Variants in PTPRF observed in about 807,000 individuals in gnomAD.
The protein encoded by PTPRF is receptor-type tyrosine-protein phosphatase F.
PTPRF carries 59 observed loss-of-function variants against 201.8 expected under a neutral mutation model. That is an observed-to-expected ratio of 0.29 (90% CI 0.24 to 0.36). The LOEUF is 0.36. Ranked by LOEUF, PTPRF falls within the 10% of genes least tolerant of loss-of-function variation. PTPRF has a pLI of 1.00. For missense variants in PTPRF, 2,132 were observed against 2,690.5 expected (o/e 0.79, Z 4.59); for synonymous variants, 1,088 against 1,089.7 (o/e 1.00, Z 0.03).
chr1:43,617,650 C>G, intron 24 of PTPRF, 82 bp downstream of exon 24: 1 of 1,603,624 alleles, frequency 6.2e-7, no homozygotes, highest in South Asian at 1.1e-5. Flanking sequence ...AGAGGATGTC[C>G]ACGAGTCTCA....
chr1:43,619,246 G>C (rs1412074271), intron 27 of PTPRF, 42 bp from the exon 28 acceptor site: 1 of 1,607,854 alleles, frequency 6.2e-7, no homozygotes, highest in African/African-American at 1.3e-5. Context: ...TGGGGTGGGA[G>C]GTGGGGGCGC....
chr1:43,619,792 G>A lies in PTPRF; in HGVS notation c.5045G>A (p.Cys1682Tyr). 1 of 1,614,256 alleles carries A rather than the reference G, an allele frequency of 6.2e-7. No individual in the cohort carries two copies. The change falls in exon 29 of 34, where the codon TGT becomes TAT. Residue 1682 changes from cysteine to tyrosine, a missense_variant. Cys to Tyr is a radical substitution (Grantham distance 194). Transcript: ENST00000359947. ...ATGCCCTACGAATTGACCCGTGTGT[G>A]TCTGCAGCCCATCCGTGGTGTGGAG... is the stretch of plus-strand genomic sequence containing the variant. ...NIMPYELTRV[C>Y]LQPIRGVEGS...
intron 22 of PTPRF, chr1:43,613,095 C>G (rs1439865831): frequency 5.7e-6 from 2 of 350,484 alleles, no homozygotes; most frequent in Admixed American, 8.0e-5. Flanking sequence ...CCTCTCATCT[C>G]CTCTCCTCTG....
At position 43,622,741 on chromosome 1, in the gene PTPRF, C is replaced by G. The variant is rs1469788881; in HGVS notation, c.*738C>G. The G allele has an allele frequency of 6.6e-6, 1 of 152,556 alleles. No homozygotes were observed. Among genetic ancestry groups the G allele is most frequent in the African/African-American group, 2.4e-5 (1 of 41,410 alleles). 9.5% of individuals were successfully genotyped at this position (152,556 alleles called of 1,614,324 possible). A position where few individuals can be genotyped will look rare whatever the true frequency, so the allele number is the denominator to read the frequency against. Reference sequence around the variant, plus strand: ...AAGATAGGGAACACTCATCCCTGGTCGTCTATCCCAGTGTGTGTTTAACAT... The same window carrying G: ...AAGATAGGGAACACTCATCCCTGGTGGTCTATCCCAGTGTGTGTTTAACAT... On this transcript the variant is annotated 3_prime_UTR_variant, in exon 34 of 34. Transcript: ENST00000359947.
chr1:43,575,663 C>T (rs1267638020), intron 6 of PTPRF, among the ~76,000 whole-genome samples: 4 of 152,040 alleles, frequency 2.6e-5, no homozygotes, highest in Non-Finnish European at 5.9e-5. Context: ...CCCCCAGCCC[C>T]ACTGAGCCCC....
chr1:43,604,346 G>A (rs1319298285), intron 16 of PTPRF, among the ~76,000 whole-genome samples, 157 bp downstream of exon 16: 1 of 152,092 alleles, frequency 6.6e-6, no homozygotes, highest in Non-Finnish European at 1.5e-5. Flanking sequence ...CTAGTGAATG[G>A]GCACCACATT....
intron 5 of PTPRF, among the ~76,000 whole-genome samples, chr1:43,569,128 C>G (rs1646387727): frequency 6.6e-6 from 1 of 152,194 alleles, no homozygotes. Context: ...GAAGGGAACA[C>G]TGTGTGTGCG....
At chr1:43,551,300 G>T (rs950954972) in intron 3 of PTPRF, among the ~76,000 whole-genome samples, 1 of 151,966 alleles carries the variant, frequency 6.6e-6, no homozygotes, top group Non-Finnish European at 1.5e-5. Context: ...GTGGGGGACA[G>T]GAGACACCCC....
rs1258929482 is a variant in PTPRF, at chr1:43,597,113, TGA to T, written c.1814-630_1814-629del. ...TGTGTATTTACTGTGAGAGACTGTG[TGA>T]GAGACACGTGTGAGACACTGTGTAT... On this transcript the variant is annotated intron_variant, in intron 11 of 33. Coordinates refer to ENST00000359947, the MANE Select transcript of PTPRF (RefSeq NM_002840.5). Among the ~76,000 whole-genome samples, 7 of 151,872 alleles carry T rather than the reference TGA, an allele frequency of 4.6e-5. No homozygotes were observed. The East Asian group carries it at 5.8e-4, about 13-fold the overall frequency.
At chr1:43,571,381 A>G (rs1396636937) in intron 6 of PTPRF, among the ~76,000 whole-genome samples, 4 of 152,048 alleles carry the variant, frequency 2.6e-5, no homozygotes, top group African/African-American at 9.7e-5. Context: ...TCCAACTGCC[A>G]TCTCCTCACC....
intron 5 of PTPRF, among the ~76,000 whole-genome samples, chr1:43,568,262 T>C (rs1423920550): frequency 4.8e-5 from 7 of 146,090 alleles, no homozygotes; most frequent in Non-Finnish European, 1.0e-4. Flanking sequence ...ACCACTGCAC[T>C]CCAGCCTGGG....
At chr1:43,523,954 T>G (rs960717868), upstream of PTPRF, among the ~76,000 whole-genome samples, 3 of 144,166 alleles carry the variant, frequency 2.1e-5, no homozygotes, top group African/African-American at 7.7e-5. Context: ...TCCCAGCTAC[T>G]CGGGAGGCTG....
chr1:43,621,049 A>C, intron 32 of PTPRF, 48 bp from the exon 33 acceptor site: 1 of 1,610,990 alleles, frequency 6.2e-7, no homozygotes, highest in Non-Finnish European at 8.5e-7. Context: ...TGGCAGACCC[A>C]CTGCATGAGG....
intron 7 of PTPRF, among the ~76,000 whole-genome samples, chr1:43,585,542 C>G (rs1370579777): frequency 6.6e-6 from 1 of 152,148 alleles, no homozygotes; most frequent in Non-Finnish European, 1.5e-5. Context: ...GTTGACCTCT[C>G]ACACTTATGC....
At chr1:43,550,955 G>A (rs1286579673) in intron 3 of PTPRF, among the ~76,000 whole-genome samples, 4 of 152,220 alleles carry the variant, frequency 2.6e-5, no homozygotes, top group African/African-American at 9.6e-5. Context: ...TTGCTCTTTA[G>A]AGGAGCCAAA....
At chr1:43,543,620 T>C (rs1341466750) in intron 2 of PTPRF, among the ~76,000 whole-genome samples, 1 of 152,182 alleles carries the variant, frequency 6.6e-6, no homozygotes, top group East Asian at 1.9e-4. Flanking sequence ...CCTTCTGACC[T>C]CATGAACTTT....
In PTPRF at chr1:43,596,681, G is replaced by T. The variant is rs181664717; in HGVS notation, c.1814-1067G>T. On this transcript the variant is annotated intron_variant, in intron 11 of 33. Transcript: ENST00000359947. ...AGGTGAAGGCTGCCTTATGCCAAAA[G>T]GGCCACTGGGGCCACTCTTCCTCGG... Among the ~76,000 whole-genome samples, 657 of 152,340 alleles carry T rather than the reference G, an allele frequency of 4.3e-3. 7 individuals are homozygous for T. The highest frequency in any genetic ancestry group is 7.4e-3 in the Non-Finnish European group (500 of 68,026).
chr1:43,579,417 C>CT (rs1471959482), intron 7 of PTPRF: 1 of 355,276 alleles, frequency 2.8e-6, no homozygotes, highest in East Asian at 7.4e-5. Flanking sequence ...CCAGGTGAGC[C>CT]TATCCTCTGG....
rs550095132 is a variant in PTPRF, at chr1:43,603,107, A to C, written c.2341-309A>C. On this transcript the variant is annotated intron_variant, in intron 14 of 33. Transcript: ENST00000359947. The surrounding 1 kb of genome is among the most constrained non-coding windows in gnomAD (Gnocchi z 5.8). Reference sequence around the variant, plus strand: ...GCGTGCGAGGCTGTGCCCTGTTGATATCCTCAGTCTCCGTTCACAGCACAG... The same window carrying C: ...GCGTGCGAGGCTGTGCCCTGTTGATCTCCTCAGTCTCCGTTCACAGCACAG... Among the ~76,000 whole-genome samples, 1 of 152,260 alleles carries C rather than the reference A, an allele frequency of 6.6e-6. No individual in the cohort carries two copies. Among genetic ancestry groups the C allele is most frequent in the East Asian group, 1.9e-4 (1 of 5,172 alleles).
Sources: allele counts gnomAD v4.1 joint callset (sites outside exome capture counted in the v4.1 genomes callset), GRCh38; gene constraint gnomAD v4.1.1; non-coding constraint Gnocchi (gnomAD v3.1); transcripts MANE v1.5; gene names NCBI Gene and HGNC (gene_info 2026-07-23, HGNC 2026-07-21).